The following INPP5D variants were observed in gnomAD, a reference collection of about 807,000 sequenced individuals.
INPP5D encodes the protein inositol polyphosphate-5-phosphatase D.
INPP5D carries 33 observed loss-of-function variants against 122.9 expected under a neutral mutation model. The observed-to-expected ratio is 0.27, with a 90% CI of 0.20 to 0.36. INPP5D has a LOEUF of 0.36. Ranked by LOEUF, INPP5D falls within the 10% of genes least tolerant of loss-of-function variation. The pLI is 1.00. For synonymous variants in INPP5D, 584 were observed against 576.2 expected (o/e 1.01, Z -0.19); for missense variants, 1,053 against 1,412.7 (o/e 0.75, Z 4.08).
chr2:233,184,401 G>A lies in INPP5D; in HGVS notation c.2162-7G>A, dbSNP rs1313713544. On this transcript the variant is annotated splice_region_variant and splice_polypyrimidine_tract_variant and intron_variant, in intron 19 of 26. Coordinates refer to ENST00000445964, the MANE Select transcript of INPP5D (RefSeq NM_001017915.3). Reference sequence around the variant, plus strand: ...TGGAACTGAATCCGTGTTCTCCCCTGTTCCAGGTCCCGGGACTGTTGACAG... The same window carrying A: ...TGGAACTGAATCCGTGTTCTCCCCTATTCCAGGTCCCGGGACTGTTGACAG... 1.2e-6 allele frequency: 2 copies of A among 1,613,832 alleles called. No individual in the cohort carries two copies. Among genetic ancestry groups the A allele is most frequent in the Admixed American group, 1.7e-5 (1 of 59,990 alleles).
rs1695223219 is a variant in INPP5D at position 233,197,836 on chromosome 2, A to G, written c.2694-259A>G. 6.6e-6 allele frequency among the ~76,000 whole-genome samples: 1 copy of G among 152,266 alleles called. No homozygotes were observed. Among genetic ancestry groups the G allele is most frequent in the East Asian group, 1.9e-4 (1 of 5,176 alleles). ...TTCTCTCCCATCAAAAGTGAGTTCC[A>G]TAAGAACAGAGACCATGGCTGCCTC... On this transcript the variant is annotated intron_variant, in intron 24 of 26. Transcript: ENST00000445964. The surrounding 1 kb of genome is among the most constrained non-coding windows in gnomAD (Gnocchi z 4.4).
intron 1 of INPP5D, among the ~76,000 whole-genome samples, chr2:233,076,817 A>C (rs1269312752): frequency 6.6e-6 from 1 of 152,258 alleles, no homozygotes. Flanking sequence ...GCAAGTTATC[A>C]TTCTCACCTC....
chr2:233,183,222 C>A lies in INPP5D; in HGVS notation c.2161+723C>A, dbSNP rs1694828801. 1.3e-5 allele frequency among the ~76,000 whole-genome samples: 2 copies of A among 152,200 alleles called. No homozygotes were observed. Among genetic ancestry groups the A allele is most frequent in the Non-Finnish European group, 2.9e-5 (2 of 68,038 alleles). ...ACCAGGGAGCCATGTTGTCTCTGCC[C>A]AGTCTCTGCTTCCGCGGTCAGCCCA... On this transcript the variant is annotated intron_variant, in intron 19 of 26. Transcript: ENST00000445964. The surrounding 1 kb of genome is among the most constrained non-coding windows in gnomAD (Gnocchi z 4.6).
In INPP5D at chr2:233,170,266, G is replaced by A; in HGVS notation, c.1791+102G>A. ...GTCGTGGAGACATGTGAATCAAGTG[G>A]GCTGAGGCGGCTGCTCCCCTTGGGG... On this transcript the variant is annotated intron_variant, in intron 15 of 26. Coordinates refer to ENST00000445964, the MANE Select transcript of INPP5D (RefSeq NM_001017915.3). The surrounding 1 kb of genome is among the most constrained non-coding windows in gnomAD (Gnocchi z 4.5). 3.3e-6 allele frequency: 5 copies of A among 1,524,828 alleles called. No individual in the cohort carries two copies. The highest frequency in any genetic ancestry group is 4.4e-6 in the Non-Finnish European group (5 of 1,133,230). 94.5% of individuals were successfully genotyped at this position (1,524,828 alleles called of 1,614,324 possible). A position where few individuals can be genotyped will look rare whatever the true frequency, so the allele number is the denominator to read the frequency against.
rs1574783786 is a variant in INPP5D, at chr2:233,170,898, T to A, written c.1901-166T>A. On this transcript the variant is annotated intron_variant, in intron 16 of 26. Coordinates refer to ENST00000445964, the MANE Select transcript of INPP5D (RefSeq NM_001017915.3). The surrounding 1 kb of genome is among the most constrained non-coding windows in gnomAD (Gnocchi z 4.5). ...TCCAGCCTGGCCAACAAAGACAGAC[T>A]CCGTCTCAAAAAAAAAAAAAAAAAA... Among the ~76,000 whole-genome samples, 3 of 75,366 alleles carry A rather than the reference T, an allele frequency of 4.0e-5. 1 individual carries two copies. The Admixed American group carries it at 5.4e-4, about 14-fold the overall frequency. 49.4% of individuals were successfully genotyped at this position (75,366 alleles called of 152,430 possible).
At chr2:233,085,758 C>T (rs1482112732) in intron 2 of INPP5D, among the ~76,000 whole-genome samples, 1 of 152,112 alleles carries the variant, frequency 6.6e-6, no homozygotes, top group Non-Finnish European at 1.5e-5. Context: ...TCTTGTGTGG[C>T]TGCAAGATCC....
chr2:233,204,817 C>T (rs1367099778), intron 26 of INPP5D, 100 bp downstream of exon 26: 1 of 1,417,678 alleles, frequency 7.1e-7, no homozygotes, highest in Non-Finnish European at 9.2e-7. Flanking sequence ...TGTGTGTGTG[C>T]ACGCATGCAT....
chr2:233,109,118 A>G (rs560708080), intron 2 of INPP5D, among the ~76,000 whole-genome samples: 1 of 152,342 alleles, frequency 6.6e-6, no homozygotes, highest in Non-Finnish European at 1.5e-5. Context: ...CCTGGTCACA[A>G]AATGAGACCT....
At position 233,164,486 on chromosome 2, in the gene INPP5D, T is replaced by C. The variant is rs1182482737; in HGVS notation, c.1555+62T>C. Reference sequence around the variant, plus strand: ...CTCTGCCTCAACTCTCGCGACCACATCATCCTGATCCCACCAGTAGTTCCC... The same window carrying C: ...CTCTGCCTCAACTCTCGCGACCACACCATCCTGATCCCACCAGTAGTTCCC... On this transcript the variant is annotated intron_variant, in intron 13 of 26. Coordinates refer to ENST00000445964, the MANE Select transcript of INPP5D (RefSeq NM_001017915.3). The surrounding 1 kb of genome is among the most constrained non-coding windows in gnomAD (Gnocchi z 4.3). 2 of 1,469,208 alleles carry C rather than the reference T, an allele frequency of 1.4e-6. No individual in the cohort carries two copies. Among genetic ancestry groups the C allele is most frequent in the Non-Finnish European group, 1.8e-6 (2 of 1,099,016 alleles). The allele number at this position is 1,469,208 out of a possible 1,614,324, so 91.0% of individuals were successfully genotyped here.
At chr2:233,186,645 A>T (rs1338336206) in intron 21 of INPP5D, among the ~76,000 whole-genome samples, 1 of 146,236 alleles carries the variant, frequency 6.8e-6, no homozygotes, top group Admixed American at 6.8e-5. Context: ...CTACCAAAAA[A>T]AAATTTTTTT....
chr2:233,083,691 G>A (rs1691752011), intron 2 of INPP5D, among the ~76,000 whole-genome samples: 1 of 152,216 alleles, frequency 6.6e-6, no homozygotes, highest in African/African-American at 2.4e-5. Flanking sequence ...CCTTTGAAAT[G>A]GCCCCTCTTT....
At chr2:233,159,535 G>GAAA (rs374072260) in intron 10 of INPP5D, among the ~76,000 whole-genome samples, 1,465 of 143,894 alleles carry the variant, frequency 0.01, 27 homozygotes, top group African/African-American at 0.028. Context: ...TCATCTCTAC[G>GAAA]AAAAAAAAAA....
intron 1 of INPP5D, among the ~76,000 whole-genome samples, chr2:233,071,045 G>A (rs953083818): frequency 2.6e-5 from 4 of 151,976 alleles, no homozygotes; most frequent in African/African-American, 4.8e-5. Context: ...AGGCCGAGGC[G>A]GCCGGATCAC....
Position 233,078,652 on chromosome 2 carries a change from C to T in INPP5D, c.135-683C>T, listed in dbSNP as rs945751933. Among the ~76,000 whole-genome samples, 3 of 151,972 alleles carry T rather than the reference C, an allele frequency of 2.0e-5. No homozygotes were observed. Among genetic ancestry groups the T allele is most frequent in the Non-Finnish European group, 4.4e-5 (3 of 68,004 alleles). On this transcript the variant is annotated intron_variant, in intron 1 of 26. Coordinates refer to ENST00000445964, the MANE Select transcript of INPP5D (RefSeq NM_001017915.3). The surrounding 1 kb of genome is among the most constrained non-coding windows in gnomAD (Gnocchi z 4.6). Reference sequence around the variant, plus strand: ...GCCCACTGGAGTCGTGTTTCTTCTTCAAACACCCCCTCTTTTTTGTTGTTT... The same window carrying T: ...GCCCACTGGAGTCGTGTTTCTTCTTTAAACACCCCCTCTTTTTTGTTGTTT...
Position 233,177,301 on chromosome 2 carries a change from C to T in INPP5D, c.2026C>T (p.Leu676Phe), listed in dbSNP as rs868473975. 6.2e-7 allele frequency: 1 copy of T among 1,613,866 alleles called. No homozygotes were observed. The part of the protein sequence containing the change: ...YNLPSWCDRV[L>F]WKSYPLVHVV... ...CTTGCCTTCCTGGTGTGACCGAGTC[C>T]TCTGGAAGTCTTATCCCCTGGTGCA... The change falls in exon 18 of 27, where the codon CTC (leucine) becomes TTC (phenylalanine). Residue 676 changes from leucine to phenylalanine, a missense_variant. Leu to Phe is a conservative substitution (Grantham distance 22). This residue lies in a region of INPP5D where 258 missense variants were observed against 439.1 expected (regional missense o/e 0.59). Coordinates refer to ENST00000445964, the MANE Select transcript of INPP5D (RefSeq NM_001017915.3). This position sits in a 1 kb window ranked among gnomAD's most constrained non-coding sequence, Gnocchi z 4.2.
At chr2:233,109,702 C>G (rs1188111128) in intron 2 of INPP5D, among the ~76,000 whole-genome samples, 1 of 151,920 alleles carries the variant, frequency 6.6e-6, no homozygotes, top group African/African-American at 2.4e-5. Context: ...CCTCAGCCTC[C>G]CGAGTAGCTG....
chr2:233,102,938 A>T (rs1225284152), intron 2 of INPP5D, among the ~76,000 whole-genome samples: 1 of 151,940 alleles, frequency 6.6e-6, no homozygotes, highest in Admixed American at 6.6e-5. Flanking sequence ...TTCTGTCCCC[A>T]TATTGCACTT....
chr2:233,112,957 C>T (rs542873219), intron 2 of INPP5D, among the ~76,000 whole-genome samples: 42 of 152,236 alleles, frequency 2.8e-4, no homozygotes, highest in African/African-American at 9.4e-4. Flanking sequence ...TGCACCTGAC[C>T]GGTATTTACC....
At chr2:233,088,075 A>C (rs1691898959) in intron 2 of INPP5D, among the ~76,000 whole-genome samples, 1 of 151,984 alleles carries the variant, frequency 6.6e-6, no homozygotes, top group South Asian at 2.1e-4. Flanking sequence ...TCCTGGATTC[A>C]AGCGATTCTC....
Sources: allele counts gnomAD v4.1 joint callset (sites outside exome capture counted in the v4.1 genomes callset), GRCh38; gene constraint gnomAD v4.1.1; regional missense constraint gnomAD v4.1.1; non-coding constraint Gnocchi (gnomAD v3.1); transcripts MANE v1.5; gene names NCBI Gene and HGNC (gene_info 2026-07-23, HGNC 2026-07-21).